RASSF8: variants seen among roughly 807,000 people sequenced by gnomAD.
RASSF8 encodes the protein ras association domain-containing protein 8.
In RASSF8, 22 loss-of-function variants were observed where a neutral mutation model predicts 48.5. The ratio of observed to expected loss-of-function variants is 0.45; its 90% confidence interval spans 0.32 to 0.65. RASSF8 has a LOEUF of 0.65. Ranked by LOEUF, RASSF8 falls within the 30% of genes least tolerant of loss-of-function variation. The pLI is 0.03. For synonymous variants in RASSF8, 127 were observed against 171.5 expected (o/e 0.74, Z 2.03); for missense variants, 418 against 489.2 (o/e 0.85, Z 1.37).
chr12:26,041,684 T>C (rs550964224), intron 2 of RASSF8, among the ~76,000 whole-genome samples: 12 of 152,200 alleles, frequency 7.9e-5, no homozygotes, highest in East Asian at 7.7e-4. Context: ...CATATATATA[T>C]ACACACATAG....
At chr12:26,020,962 T>G (rs1030085460) in intron 2 of RASSF8, among the ~76,000 whole-genome samples, 2 of 152,238 alleles carry the variant, frequency 1.3e-5, no homozygotes, top group African/African-American at 4.8e-5. Context: ...GGGCAATGTC[T>G]AGCACTTTGT....
intron 1 of RASSF8, among the ~76,000 whole-genome samples, chr12:25,988,539 G>T (rs1024769278): frequency 6.6e-5 from 10 of 152,098 alleles, no homozygotes; most frequent in African/African-American, 2.4e-4. Context: ...TACAAAAATA[G>T]AACTTAAAGT....
chr12:26,061,143 T>C (rs1943733382), intron 3 of RASSF8, among the ~76,000 whole-genome samples: 1 of 152,152 alleles, frequency 6.6e-6, no homozygotes, highest in South Asian at 2.1e-4. Flanking sequence ...GATTTTGATT[T>C]ATGACTGTAA....
In RASSF8 at chr12:26,065,045, T is replaced by A. The variant is rs747076960; in HGVS notation, c.651T>A (p.Asp217Glu). ...VRLEQKIKRNDVEIEEEEFWE... is the reference protein window; with the variant it reads ...VRLEQKIKRNEVEIEEEEFWE... ...TAGAGCAAAAGATCAAAAGAAACGA[T>A]GTAGAAATTGAGGAGGAAGAATTCT... Residue 217 changes from aspartate to glutamate, a missense_variant, in exon 4 of 6, where the codon GAT (aspartate) becomes GAA (glutamate). Coordinates refer to ENST00000689635, the MANE Select transcript of RASSF8 (RefSeq NM_001394098.1). 1.4e-5 allele frequency: 22 copies of A among 1,613,190 alleles called. No individual in the cohort carries two copies. The highest frequency in any genetic ancestry group is 1.7e-6 in the Non-Finnish European group (2 of 1,179,652).
chr12:25,972,701 A>C (rs1275693294), intron 1 of RASSF8, among the ~76,000 whole-genome samples: 4 of 152,260 alleles, frequency 2.6e-5, no homozygotes, highest in Non-Finnish European at 5.9e-5. Context: ...AAAACACCAG[A>C]ATGAAGACAT....
downstream of RASSF8, among the ~76,000 whole-genome samples, chr12:26,076,744 T>G (rs193008331): frequency 1.1e-4 from 16 of 152,348 alleles, no homozygotes; most frequent in African/African-American, 3.8e-4. Flanking sequence ...TGTGTCTTTA[T>G]AGTAGCATGA....
intron 2 of RASSF8, among the ~76,000 whole-genome samples, chr12:26,040,707 T>G (rs1565632117): frequency 6.6e-6 from 1 of 152,172 alleles, no homozygotes; most frequent in Non-Finnish European, 1.5e-5. Context: ...AATCCTTGCT[T>G]CCCATTTTAA....
intron 1 of RASSF8, among the ~76,000 whole-genome samples, chr12:25,987,624 G>A (rs1941917769): frequency 6.6e-6 from 1 of 152,064 alleles, no homozygotes; most frequent in East Asian, 1.9e-4. Context: ...ACAATATTCA[G>A]AATTAACATA....
intron 2 of RASSF8, among the ~76,000 whole-genome samples, chr12:26,007,152 AG>A (rs1426254437): frequency 1.3e-5 from 2 of 152,092 alleles, no homozygotes; most frequent in East Asian, 3.9e-4. Flanking sequence ...CAGAGCTCAT[AG>A]TGAGAACTCA....
At chr12:26,041,224 T>C (rs1398238852) in intron 2 of RASSF8, among the ~76,000 whole-genome samples, 1 of 152,138 alleles carries the variant, frequency 6.6e-6, no homozygotes, top group Non-Finnish European at 1.5e-5. Flanking sequence ...GTTTATTTAA[T>C]CTGTCCTTTC....
chr12:25,982,212 A>G (rs967954400), intron 1 of RASSF8, among the ~76,000 whole-genome samples: 11 of 152,234 alleles, frequency 7.2e-5, no homozygotes, highest in African/African-American at 1.9e-4. Context: ...TGTAAATAAT[A>G]TTTTTAAATG....
downstream of RASSF8, among the ~76,000 whole-genome samples, chr12:26,074,654 T>C (rs1223224531): frequency 2.0e-5 from 3 of 152,116 alleles, no homozygotes; most frequent in Non-Finnish European, 2.9e-5. Flanking sequence ...GTTTACAGTC[T>C]TGATGATAGA....
chr12:25,995,452 T>C (rs991747326), intron 2 of RASSF8, among the ~76,000 whole-genome samples: 1 of 152,186 alleles, frequency 6.6e-6, no homozygotes, highest in Middle Eastern at 3.2e-3. Flanking sequence ...ACTCTTGGGC[T>C]TTCTGAGCAC....
chr12:25,975,257 G>A (rs1423491465), intron 1 of RASSF8, among the ~76,000 whole-genome samples: 3 of 152,152 alleles, frequency 2.0e-5, no homozygotes, highest in East Asian at 1.9e-4. Context: ...AAATAGTCTC[G>A]ATATCATTAA....
chr12:26,060,279 TG>T (rs1943712772), intron 3 of RASSF8, among the ~76,000 whole-genome samples: 2 of 152,166 alleles, frequency 1.3e-5, no homozygotes, highest in South Asian at 2.1e-4. Flanking sequence ...TGATATACAC[TG>T]GGAAGATACA....
chr12:26,017,161 T>G (rs937265800), intron 2 of RASSF8, among the ~76,000 whole-genome samples: 2 of 152,164 alleles, frequency 1.3e-5, no homozygotes, highest in Non-Finnish European at 2.9e-5. Context: ...TGTCTTTATA[T>G]CAATATTGTT....
At position 26,070,724 on chromosome 12, in the gene RASSF8, G is replaced by A. The variant is rs1215906145; in HGVS notation, c.*1906G>A. 1 of 843,262 alleles carries A rather than the reference G, an allele frequency of 1.2e-6. No individual in the cohort carries two copies. Among genetic ancestry groups the A allele is most frequent in the Non-Finnish European group, 1.4e-6 (1 of 706,788 alleles). The allele number at this position is 843,262 out of a possible 1,614,324, so 52.2% of individuals were successfully genotyped here. A position where few individuals can be genotyped will look rare whatever the true frequency, so the allele number is the denominator to read the frequency against. ...TTCTGTATAAAGTCATTTTGTTGTTGTTCAGAGAAATCAAGATCTTATTCA... is the reference window on the plus strand; with the variant it reads ...TTCTGTATAAAGTCATTTTGTTGTTATTCAGAGAAATCAAGATCTTATTCA... On this transcript the variant is annotated 3_prime_UTR_variant, in exon 6 of 6. Coordinates refer to ENST00000689635, the MANE Select transcript of RASSF8 (RefSeq NM_001394098.1).
At chr12:25,974,294 A>G (rs1941552697) in intron 1 of RASSF8, among the ~76,000 whole-genome samples, 2 of 152,160 alleles carry the variant, frequency 1.3e-5, no homozygotes, top group African/African-American at 4.8e-5. Flanking sequence ...CCCAGCCAAT[A>G]CGCGAGAAGT....
chr12:25,985,748 G>T (rs1337920219), intron 1 of RASSF8, among the ~76,000 whole-genome samples: 1 of 152,170 alleles, frequency 6.6e-6, no homozygotes, highest in Non-Finnish European at 1.5e-5. Flanking sequence ...AAAAGGGGAG[G>T]AGAGCATGCT....
Sources: gnomAD v4.1 joint callset for allele counts (sites outside exome capture counted in the v4.1 genomes callset) on GRCh38, gnomAD v4.1.1 for gene constraint, MANE v1.5 for transcripts, NCBI Gene and HGNC (gene_info 2026-07-23, HGNC 2026-07-21) for gene names.